Variants in ADCY1 observed in about 807,000 individuals in gnomAD.
ADCY1 encodes the protein adenylate cyclase 1.
In ADCY1, 28 loss-of-function variants were observed where a neutral mutation model predicts 105.4. That is an observed-to-expected ratio of 0.27 (90% CI 0.20 to 0.36). The LOEUF (loss-of-function observed/expected upper bound fraction) is 0.36. Among genes scored for constraint, ADCY1 ranks in the 10% least tolerant of loss-of-function variants. The probability of loss-of-function intolerance (pLI) is 1.00; values close to 1 mark genes in which losing one functional copy is unlikely to be tolerated. For synonymous variants in ADCY1, 655 were observed against 623.8 expected (o/e 1.05, Z -0.75); for missense variants, 977 against 1,434.2 (o/e 0.68, Z 5.15).
intron 4 of ADCY1, among the ~76,000 whole-genome samples, chr7:45,643,744 C>T (rs1259506188): frequency 6.6e-6 from 1 of 151,960 alleles, no homozygotes; most frequent in African/African-American, 2.4e-5. Context: ...ACTGTTCCTC[C>T]CGTGCGTGTA....
At chr7:45,637,504 T>A (rs1794422963) in intron 4 of ADCY1, among the ~76,000 whole-genome samples, 1 of 152,112 alleles carries the variant, frequency 6.6e-6, no homozygotes, top group Admixed American at 6.6e-5. Flanking sequence ...GGAGGATCAC[T>A]TGAGGCCAGG....
At chr7:45,646,233 A>G (rs767120714) in intron 4 of ADCY1, among the ~76,000 whole-genome samples, 52 of 152,182 alleles carry the variant, frequency 3.4e-4, no homozygotes, top group Non-Finnish European at 5.7e-4. Context: ...GTATGGCTTG[A>G]GAAGGCTGTC....
At chr7:45,660,392 C>A (rs1376113254) in intron 7 of ADCY1, among the ~76,000 whole-genome samples, 1 of 152,216 alleles carries the variant, frequency 6.6e-6, no homozygotes, top group Non-Finnish European at 1.5e-5. Flanking sequence ...GAGCCAGAAC[C>A]CCTAGTCAGA....
intron 4 of ADCY1, among the ~76,000 whole-genome samples, chr7:45,629,663 C>T (rs1229533999): frequency 4.6e-5 from 7 of 152,070 alleles, no homozygotes; most frequent in East Asian, 1.9e-4. Flanking sequence ...GGACTACAGG[C>T]GCCCGCCACT....
chr7:45,703,841 G>T lies in ADCY1; in HGVS notation c.2718+95G>T, dbSNP rs750324603. On this transcript the variant is annotated intron_variant, in intron 16 of 19. Coordinates refer to ENST00000297323, the MANE Select transcript of ADCY1 (RefSeq NM_021116.4). The surrounding 1 kb of genome is among the most constrained non-coding windows in gnomAD (Gnocchi z 5.9). ...TGTCTCACAATATGTCACATTCTTC[G>T]TAGCTGGAATGAGAGAAAGCAAATC... The T allele has an allele frequency of 4.1e-6, 6 of 1,457,346 alleles. No individual in the cohort carries two copies. Among genetic ancestry groups the T allele is most frequent in the Admixed American group, 2.3e-5 (1 of 43,514 alleles). 90.3% of individuals were successfully genotyped at this position (1,457,346 alleles called of 1,614,324 possible). A position where few individuals can be genotyped will look rare whatever the true frequency, so the allele number is the denominator to read the frequency against.
chr7:45,684,910 G>T, intron 11 of ADCY1, 69 bp from the exon 12 acceptor site: 1 of 1,382,142 alleles, frequency 7.2e-7, no homozygotes, highest in East Asian at 2.3e-5. Context: ...ACTATAGGAA[G>T]TATTAACTGT....
rs1371600594 is a variant in ADCY1 at position 45,718,069 on chromosome 7, C to T, written c.*4074C>T. The T allele has an allele frequency of 2.0e-5, 3 of 152,214 alleles. No individual in the cohort carries two copies. The allele number at this position is 152,214 out of a possible 1,614,324, so 9.4% of individuals were successfully genotyped here. A position where few individuals can be genotyped will look rare whatever the true frequency, so the allele number is the denominator to read the frequency against. On this transcript the variant is annotated 3_prime_UTR_variant, in exon 20 of 20. Coordinates refer to ENST00000297323, the MANE Select transcript of ADCY1 (RefSeq NM_021116.4). ...CCGCAGTTCCTGTGGGTTGGGCTGC[C>T]CAGGCTGGTCAGAGCTCAGCACCCC...
At chr7:45,713,460 G>A (rs1030477529) in intron 19 of ADCY1, among the ~76,000 whole-genome samples, 2 of 152,238 alleles carry the variant, frequency 1.3e-5, no homozygotes, top group African/African-American at 2.4e-5. Context: ...AGACTCCTCC[G>A]AGTCCGCTGG....
intron 14 of ADCY1, among the ~76,000 whole-genome samples, chr7:45,690,240 TCA>T (rs1441453010): frequency 6.6e-6 from 1 of 152,110 alleles, no homozygotes; most frequent in East Asian, 1.9e-4. Context: ...TGTGCATGTA[TCA>T]CAGCCTGGGC....
At chr7:45,633,067 A>G (rs1186983170) in intron 4 of ADCY1, among the ~76,000 whole-genome samples, 3 of 151,766 alleles carry the variant, frequency 2.0e-5, no homozygotes, top group African/African-American at 7.3e-5. Flanking sequence ...ACAGGCACAC[A>G]CCACCATGCC....
chr7:45,660,021 C>T (rs769247509), intron 6 of ADCY1, 21 bp from the exon 7 acceptor site: 9 of 1,613,674 alleles, frequency 5.6e-6, no homozygotes, highest in African/African-American at 1.3e-5. Context: ...CTCATCTGGC[C>T]TCTGCCTCCT....
At chr7:45,595,440 G>C (rs140414807) in intron 2 of ADCY1, among the ~76,000 whole-genome samples, 5 of 152,164 alleles carry the variant, frequency 3.3e-5, no homozygotes, top group African/African-American at 1.2e-4. Flanking sequence ...CTCTCTGTGA[G>C]GACTTGTCAC....
chr7:45,603,910 C>A, intron 2 of ADCY1, among the ~76,000 whole-genome samples: 1 of 152,198 alleles, frequency 6.6e-6, no homozygotes, highest in East Asian at 1.9e-4. Flanking sequence ...TACTAAGTGG[C>A]ATTCTATGGT....
chr7:45,607,384 T>G (rs1446772375), intron 2 of ADCY1, among the ~76,000 whole-genome samples: 1 of 152,082 alleles, frequency 6.6e-6, no homozygotes. Flanking sequence ...CTGGCTGTTA[T>G]GACTGTGTTC....
chr7:45,633,937 G>A (rs1425486136), intron 4 of ADCY1, among the ~76,000 whole-genome samples: 1 of 151,986 alleles, frequency 6.6e-6, no homozygotes. Context: ...AATGTTATTG[G>A]TAAGGTTTCT....
rs377751880 is a variant in ADCY1, at chr7:45,660,051, T to C, written c.1317T>C (p.His439=). 17 of 1,614,022 alleles carry C rather than the reference T, an allele frequency of 1.1e-5. No individual in the cohort carries two copies. The highest frequency in any genetic ancestry group is 2.2e-5 in the East Asian group (1 of 44,894). Residue 439 remains histidine (H), a synonymous_variant, in exon 7 of 20, where the codon CAT becomes CAC. Coordinates refer to ENST00000297323, the MANE Select transcript of ADCY1 (RefSeq NM_021116.4). ...MEAAGLPGKV[H]ITKTTLACLN... ...CCTCCTCCTTTTGTAGGAAGGTTCA[T>C]ATCACAAAGACGACCCTAGCGTGCT...
intron 14 of ADCY1, among the ~76,000 whole-genome samples, chr7:45,698,383 T>A (rs1436558336): frequency 6.6e-6 from 1 of 152,230 alleles, no homozygotes; most frequent in African/African-American, 2.4e-5. Context: ...ATAATGTAAA[T>A]CACATTTCTC....
chr7:45,590,210 A>C (rs118133709), intron 1 of ADCY1, among the ~76,000 whole-genome samples: 2 of 152,164 alleles, frequency 1.3e-5, no homozygotes, highest in East Asian at 3.9e-4. Context: ...CAGCTGTGCT[A>C]TGTCCCCACC....
chr7:45,639,350 G>A (rs760419471), intron 4 of ADCY1, among the ~76,000 whole-genome samples: 1 of 152,158 alleles, frequency 6.6e-6, no homozygotes, highest in Non-Finnish European at 1.5e-5. Flanking sequence ...ACCTGCCAAG[G>A]CCCAGTCTCA....
Sources: allele counts gnomAD v4.1 joint callset (sites outside exome capture counted in the v4.1 genomes callset), GRCh38; gene constraint gnomAD v4.1.1; non-coding constraint Gnocchi (gnomAD v3.1); transcripts MANE v1.5; gene names NCBI Gene and HGNC (gene_info 2026-07-23, HGNC 2026-07-21).